The following TLN2 variants were observed in gnomAD, a reference collection of about 807,000 sequenced individuals.
TLN2 encodes the protein talin-2.
In TLN2, 118 loss-of-function variants were observed where a neutral mutation model predicts 294.7. That is an observed-to-expected ratio of 0.40 (90% CI 0.34 to 0.47). TLN2 has a LOEUF of 0.47. Among genes scored for constraint, TLN2 ranks in the 20% least tolerant of loss-of-function variants. The pLI is 0.84. For synonymous variants in TLN2, 1,431 were observed against 1,304.5 expected (o/e 1.10, Z -2.09); for missense variants, 3,083 against 3,282.2 (o/e 0.94, Z 1.48).
intron 3 of TLN2, among the ~76,000 whole-genome samples, chr15:62,625,230 C>T (rs1247609405): frequency 1.3e-5 from 2 of 152,090 alleles, no homozygotes; most frequent in African/African-American, 2.4e-5. Context: ...GACTCAGGCC[C>T]ATGACCTACT....
At chr15:62,402,974 C>T (rs1206135992) in intron 1 of TLN2, among the ~76,000 whole-genome samples, 1 of 152,014 alleles carries the variant, frequency 6.6e-6, no homozygotes, top group Non-Finnish European at 1.5e-5. Flanking sequence ...GGGTGTGGTC[C>T]CTCACGCGTA....
chr15:62,744,026 C>T (rs747922155), intron 32 of TLN2, among the ~76,000 whole-genome samples: 3 of 152,106 alleles, frequency 2.0e-5, no homozygotes, highest in East Asian at 1.9e-4. Context: ...GCATTTGCTC[C>T]GTAAACAGAA....
intron 2 of TLN2, among the ~76,000 whole-genome samples, chr15:62,606,383 G>A (rs894055785): frequency 6.6e-6 from 1 of 151,882 alleles, no homozygotes; most frequent in Non-Finnish European, 1.5e-5. Context: ...GAACCACCAC[G>A]CCTGGCCCCA....
At chr15:62,602,336 G>A (rs1267231437) in intron 2 of TLN2, among the ~76,000 whole-genome samples, 4 of 152,078 alleles carry the variant, frequency 2.6e-5, no homozygotes, top group African/African-American at 4.8e-5. Context: ...CAGTATATTC[G>A]AAAGATATTT....
rs58950622 is a variant in TLN2, at chr15:62,468,755, T to TAA, written c.-238+78074_-238+78075dup. On this transcript the variant is annotated intron_variant, in intron 1 of 58. Coordinates refer to ENST00000636159, the MANE Select transcript of TLN2 (RefSeq NM_015059.3). ...GCTAGACTCTGTCTCAAAAAAAAAA[T>TAA]AAAAATAAAAAAAATACAAAAATAA... is the stretch of plus-strand genomic sequence containing the variant. 1.4e-4 allele frequency among the ~76,000 whole-genome samples: 18 copies of TAA among 131,190 alleles called. 1 individual carries two copies. In the East Asian group the frequency reaches 1.7e-3, roughly 12 times the overall value. The allele number at this position is 131,190 out of a possible 152,430, so 86.1% of individuals were successfully genotyped here. A position where few individuals can be genotyped will look rare whatever the true frequency, so the allele number is the denominator to read the frequency against.
At chr15:62,656,898 T>A (rs543218307) in intron 8 of TLN2, among the ~76,000 whole-genome samples, 4 of 152,354 alleles carry the variant, frequency 2.6e-5, no homozygotes, top group African/African-American at 9.6e-5. Context: ...CAGAACTCAG[T>A]GACAGAGACT....
chr15:62,641,777 T>G (rs1168308227), intron 3 of TLN2, among the ~76,000 whole-genome samples: 1 of 152,194 alleles, frequency 6.6e-6, no homozygotes, highest in Non-Finnish European at 1.5e-5. Context: ...GGCAGTTAAG[T>G]GACCAGCTCA....
intron 3 of TLN2, chr15:62,644,417 C>G (rs192234878): frequency 2.2e-6 from 1 of 448,308 alleles, no homozygotes; most frequent in Non-Finnish European, 4.5e-6. Flanking sequence ...CCCTCACTCC[C>G]TAGGTGGTCT....
intron 1 of TLN2, among the ~76,000 whole-genome samples, chr15:62,452,342 A>T (rs772240288): frequency 6.6e-6 from 1 of 152,204 alleles, no homozygotes; most frequent in African/African-American, 2.4e-5. Context: ...TTCTTAGTAG[A>T]TACCTATTCC....
At position 62,679,030 on chromosome 15, in the gene TLN2, CTT is replaced by C. The variant is rs71131118; in HGVS notation, c.957+3725_957+3726del. On this transcript the variant is annotated intron_variant, in intron 11 of 58. Coordinates refer to ENST00000636159, the MANE Select transcript of TLN2 (RefSeq NM_015059.3). Reference sequence around the variant, plus strand: ...TATCCTATAACAAGATATACCAAGTCTTTTTTTTTTTTTTTTTACTTTTTACT... The same window carrying C: ...TATCCTATAACAAGATATACCAAGTCTTTTTTTTTTTTTTTACTTTTTACT... 5.4e-3 allele frequency among the ~76,000 whole-genome samples: 721 copies of C among 132,328 alleles called. 1 individual carries two copies. Among genetic ancestry groups the C allele is most frequent in the East Asian group, 0.012 (56 of 4,514 alleles). 86.8% of individuals were successfully genotyped at this position (132,328 alleles called of 152,430 possible). A position where few individuals can be genotyped will look rare whatever the true frequency, so the allele number is the denominator to read the frequency against.
At chr15:62,595,553 A>G (rs1196358327) in intron 2 of TLN2, among the ~76,000 whole-genome samples, 1 of 152,228 alleles carries the variant, frequency 6.6e-6, no homozygotes, top group Non-Finnish European at 1.5e-5. Context: ...TCAAAAAATT[A>G]AAAATAGAAC....
intron 11 of TLN2, among the ~76,000 whole-genome samples, chr15:62,685,296 C>T (rs2057186883): frequency 6.6e-6 from 1 of 151,938 alleles, no homozygotes; most frequent in Admixed American, 6.6e-5. Context: ...AATCTGTTAT[C>T]TGGATATATC....
intron 1 of TLN2, among the ~76,000 whole-genome samples, chr15:62,471,925 C>T (rs986778862): frequency 6.6e-6 from 1 of 152,188 alleles, no homozygotes; most frequent in South Asian, 2.1e-4. Context: ...TTTCTTGCGC[C>T]TTTCTGCCCA....
At chr15:62,395,588 G>A (rs1299678295) in intron 1 of TLN2, among the ~76,000 whole-genome samples, 1 of 152,142 alleles carries the variant, frequency 6.6e-6, no homozygotes, top group African/African-American at 2.4e-5. Flanking sequence ...CACATTTGCA[G>A]CCTTGTTTTA....
At chr15:62,830,890 ACTT>A (rs1336269012) in intron 54 of TLN2, 1 of 152,164 alleles carries the variant, frequency 6.6e-6, no homozygotes, top group Non-Finnish European at 1.5e-5. Flanking sequence ...AGAGATAAGA[ACTT>A]CTGCCGTATC....
intron 41 of TLN2, among the ~76,000 whole-genome samples, chr15:62,769,201 G>GAA (rs2063201071): frequency 6.6e-6 from 1 of 152,226 alleles, no homozygotes; most frequent in Non-Finnish European, 1.5e-5. Context: ...TAAACATTTT[G>GAA]ACTCCTCCTT....
At chr15:62,660,753 G>A (rs117820457) in intron 9 of TLN2, among the ~76,000 whole-genome samples, 3,734 of 152,276 alleles carry the variant, frequency 0.025, 75 homozygotes, top group South Asian at 0.052. Flanking sequence ...AGAACTTGCA[G>A]ATGTGTTTTA....
chr15:62,597,310 G>A (rs115439891), intron 2 of TLN2, among the ~76,000 whole-genome samples: 2,275 of 152,258 alleles, frequency 0.015, 64 homozygotes, highest in African/African-American at 0.053. Flanking sequence ...AAACCAGTAA[G>A]TGGTATTTCC....
At chr15:62,439,611 A>G (rs1401971015) in intron 1 of TLN2, among the ~76,000 whole-genome samples, 2 of 152,004 alleles carry the variant, frequency 1.3e-5, no homozygotes, top group Non-Finnish European at 2.9e-5. Context: ...CCGTGCGCCT[A>G]TCTTAGCCAG....
Sources: gnomAD v4.1 joint callset for allele counts (sites outside exome capture counted in the v4.1 genomes callset) on GRCh38, gnomAD v4.1.1 for gene constraint, MANE v1.5 for transcripts, NCBI Gene and HGNC (gene_info 2026-07-23, HGNC 2026-07-21) for gene names.